The following ALK variants were observed in gnomAD, a reference collection of about 807,000 sequenced individuals.
ALK encodes the protein ALK tyrosine kinase receptor.
A neutral mutation model predicts 163.1 loss-of-function variants in ALK; 74 were observed. That is an observed-to-expected ratio of 0.45 (90% CI 0.38 to 0.55). The LOEUF (loss-of-function observed/expected upper bound fraction) is 0.55, where lower values mean the gene tolerates loss of function less well. Among genes scored for constraint, ALK ranks in the 20% least tolerant of loss-of-function variants. ALK has a pLI of 0.00. For missense variants in ALK, 2,063 were observed against 2,105.3 expected (o/e 0.98, Z 0.39); for synonymous variants, 960 against 843.2 (o/e 1.14, Z -2.40).
chr2:29,221,427 G>A (rs570804190), intron 22 of ALK, among the ~76,000 whole-genome samples: 1 of 152,230 alleles, frequency 6.6e-6, no homozygotes, highest in Non-Finnish European at 1.5e-5. Context: ...ACATGCATGT[G>A]TGTGCATACA....
At chr2:29,382,938 T>G (rs1483876046) in intron 5 of ALK, among the ~76,000 whole-genome samples, 2 of 151,996 alleles carry the variant, frequency 1.3e-5, no homozygotes, top group Non-Finnish European at 2.9e-5. Flanking sequence ...TGGTGAGGGG[T>G]CAGTAGGGCT....
chr2:29,521,007 C>T (rs992861834), intron 4 of ALK, among the ~76,000 whole-genome samples: 6 of 152,182 alleles, frequency 3.9e-5, no homozygotes, highest in Non-Finnish European at 5.9e-5. Flanking sequence ...CTGCAAGGAA[C>T]GTCCCACAGA....
At chr2:29,908,280 GCA>G (rs10607985) in intron 1 of ALK, among the ~76,000 whole-genome samples, 4,877 of 148,456 alleles carry the variant, frequency 0.033, 106 homozygotes, top group African/African-American at 0.068. Flanking sequence ...ACTCTCCAGA[GCA>G]CACACACACA....
chr2:29,391,830 G>A (rs1032428918), intron 4 of ALK, among the ~76,000 whole-genome samples: 1 of 152,116 alleles, frequency 6.6e-6, no homozygotes, highest in African/African-American at 2.4e-5. Context: ...CACCTACTGA[G>A]AGTTTTATAG....
At chr2:29,863,289 G>T (rs1666342051) in intron 1 of ALK, among the ~76,000 whole-genome samples, 1 of 152,174 alleles carries the variant, frequency 6.6e-6, no homozygotes, top group African/African-American at 2.4e-5. Context: ...AAAAAGTTAA[G>T]CTGCTTCTAC....
chr2:29,894,410 G>C (rs999687444), intron 1 of ALK, among the ~76,000 whole-genome samples: 3 of 152,114 alleles, frequency 2.0e-5, no homozygotes, highest in African/African-American at 7.2e-5. Context: ...AATGGGAAAA[G>C]CAATACTATC....
intron 3 of ALK, among the ~76,000 whole-genome samples, chr2:29,608,179 C>T (rs2148219475): frequency 6.6e-6 from 1 of 152,308 alleles, no homozygotes; most frequent in Non-Finnish European, 1.5e-5. Context: ...GCCACACCTG[C>T]CTCCCAGTGC....
At chr2:29,779,154 T>TA (rs77693752) in intron 1 of ALK, among the ~76,000 whole-genome samples, 155 of 144,272 alleles carry the variant, frequency 1.1e-3, no homozygotes, top group Middle Eastern at 7.1e-3. Flanking sequence ...AGACGCCGTC[T>TA]AAAAAAAAAA....
chr2:29,826,743 A>G (rs1290439277), intron 1 of ALK, among the ~76,000 whole-genome samples: 1 of 152,174 alleles, frequency 6.6e-6, no homozygotes, highest in Non-Finnish European at 1.5e-5. Context: ...TTCCTCAGCT[A>G]TCTTCCACTC....
intron 1 of ALK, among the ~76,000 whole-genome samples, chr2:29,844,904 C>T (rs1183942738): frequency 6.6e-6 from 1 of 151,858 alleles, no homozygotes; most frequent in Admixed American, 6.5e-5. Context: ...CACACACACA[C>T]AGTACACACA....
intron 4 of ALK, among the ~76,000 whole-genome samples, chr2:29,483,124 A>G (rs945061105): frequency 7.2e-5 from 11 of 152,228 alleles, no homozygotes; most frequent in Admixed American, 2.6e-4. Flanking sequence ...GAGTTACAAG[A>G]TTAGGTTCTG....
intron 1 of ALK, among the ~76,000 whole-genome samples, chr2:29,873,829 G>T (rs1391142721): frequency 6.6e-6 from 1 of 151,402 alleles, no homozygotes; most frequent in Non-Finnish European, 1.5e-5. Flanking sequence ...ATAATGACTG[G>T]GTAGCAATAA....
chr2:29,660,587 TATG>T lies in ALK; in HGVS notation c.952+34260_952+34262del, dbSNP rs553847024. The stretch of plus-strand genomic sequence containing the variant: ...GAGAAAGAAAAGAAGGAAAGATACA[TATG>T]AGGAAGTCAGGGTGAAAAGGGGATG... On this transcript the variant is annotated intron_variant, in intron 3 of 28. Coordinates refer to ENST00000389048, the MANE Select transcript of ALK (RefSeq NM_004304.5). Among the ~76,000 whole-genome samples the T allele has an allele frequency of 5.3e-5, 8 of 149,712 alleles. No individual in the cohort carries two copies. The South Asian group carries it at 1.5e-3, about 28-fold the overall frequency.
At chr2:29,752,665 A>G (rs748479912) in intron 1 of ALK, among the ~76,000 whole-genome samples, 1 of 151,868 alleles carries the variant, frequency 6.6e-6, no homozygotes, top group Non-Finnish European at 1.5e-5. Context: ...GCTATTTTCA[A>G]CTTACGATGG....
At chr2:29,679,541 C>T (rs2148277527) in intron 3 of ALK, among the ~76,000 whole-genome samples, 1 of 151,668 alleles carries the variant, frequency 6.6e-6, no homozygotes, top group Admixed American at 6.6e-5. Flanking sequence ...CTTAGTTTAT[C>T]ACAGTCTATT....
rs141874497 is a variant in ALK at position 29,778,258 on chromosome 2, ATG to A, written c.668-60563_668-60562del. On this transcript the variant is annotated intron_variant, in intron 1 of 28. Transcript: ENST00000389048. ...AGTTAATCACCTCTAAGCGAATCCA[ATG>A]CTGTTGATGGCAGTGATTTAACCTC... Among the ~76,000 whole-genome samples, 514 of 152,302 alleles carry A rather than the reference ATG, an allele frequency of 3.4e-3. 2 individuals carry two copies. The highest frequency in any genetic ancestry group is 0.012 in the African/African-American group (491 of 41,564).
intron 4 of ALK, among the ~76,000 whole-genome samples, chr2:29,476,029 G>C (rs1671510868): frequency 6.6e-6 from 1 of 152,232 alleles, no homozygotes; most frequent in Admixed American, 6.5e-5. Flanking sequence ...TCAGGCCAGG[G>C]AGCAGCCTGC....
intron 1 of ALK, among the ~76,000 whole-genome samples, chr2:29,754,945 C>T (rs553616433): frequency 6.6e-5 from 10 of 152,236 alleles, no homozygotes; most frequent in South Asian, 2.1e-4. Context: ...AGATGCCGGA[C>T]GCCAGCATGG....
At chr2:29,228,082 AT>A (rs1243186701) in intron 16 of ALK, among the ~76,000 whole-genome samples, 4 of 152,036 alleles carry the variant, frequency 2.6e-5, no homozygotes, top group Non-Finnish European at 4.4e-5. Context: ...GGCTGTGCGG[AT>A]TGCGGGAAAT....
Sources: gnomAD v4.1 joint callset for allele counts (sites outside exome capture counted in the v4.1 genomes callset) on GRCh38, gnomAD v4.1.1 for gene constraint, MANE v1.5 for transcripts, NCBI Gene and HGNC (gene_info 2026-07-23, HGNC 2026-07-21) for gene names.